Variants in LYVE1 observed in about 807,000 individuals in gnomAD.
LYVE1 encodes the protein lymphatic vessel endothelial hyaluronan receptor 1.
Under a neutral mutation model 31.5 loss-of-function variants are expected in LYVE1, and 29 were observed. The ratio of observed to expected loss-of-function variants is 0.92; its 90% CI spans 0.69 to 1.26. The LOEUF is 1.26. Ranked by LOEUF, LYVE1 falls within the 50% of genes most tolerant of loss-of-function variation. The pLI is 0.00. For synonymous variants in LYVE1, 134 were observed against 139.4 expected, an observed-to-expected ratio of 0.96 and a Z score of 0.27; for missense variants, 376 against 380.2, an observed-to-expected ratio of 0.99 and a Z score of 0.09.
intron 1 of LYVE1, 88 bp from the exon 2 acceptor site, chr11:10,564,462 G>T: frequency 8.0e-7 from 1 of 1,243,590 alleles, no homozygotes; most frequent in Non-Finnish European, 1.1e-6. Flanking sequence ...ATATCGTCCT[G>T]ATGCGCAGGG....
chr11:10,560,754 A>C lies in LYVE1; in HGVS notation c.444T>G (p.Asp148Glu), dbSNP rs778376672. The C allele has an allele frequency of 1.2e-6, 2 of 1,613,482 alleles. No homozygotes were observed. Among genetic ancestry groups the C allele is most frequent in the South Asian group, 2.2e-5 (2 of 91,046 alleles). Residue 148 changes from aspartate (D) to glutamate (E), a missense_variant, in exon 4 of 6, where the codon GAT becomes GAG. Asp to Glu is a conservative substitution (Grantham distance 45, BLOSUM62 2). Transcript: ENST00000256178. ...SCIPEIITTK[D>E]PIFNTQTATQ... ...TTGCAGTTTGAGTGTTGAATATGGG[A>C]TCTTTGGTGGTGATAATTTCTGGAA... is the stretch of plus-strand genomic sequence containing the variant.
At chr11:10,559,978 CA>C (rs1850387464) in intron 4 of LYVE1, 84 bp from the exon 5 acceptor site, 4 of 986,718 alleles carry the variant, frequency 4.1e-6, no homozygotes, top group Non-Finnish European at 6.5e-6. Flanking sequence ...GTGATTGAGA[CA>C]GTAGACAGTA....
In LYVE1 at chr11:10,560,900, C is replaced by G. The variant is rs995570114; in HGVS notation, c.398-100G>C. ...TACCTCCAAACCCCTTATACCGCAG[C>G]TGGAATGGTCTTTAAAAAGCAAATC... is the stretch of plus-strand genomic sequence containing the variant. On this transcript the variant is annotated intron_variant, in intron 3 of 5. Coordinates refer to ENST00000256178, the MANE Select transcript of LYVE1 (RefSeq NM_006691.4). 4 of 933,964 alleles carry G rather than the reference C, an allele frequency of 4.3e-6. No homozygotes were observed. The Admixed American group carries it at 9.2e-5, about 22-fold the overall frequency. The allele number at this position is 933,964 out of a possible 1,614,324, so 57.9% of individuals were successfully genotyped here.
chr11:10,566,665 C>G (rs1420649683), intron 1 of LYVE1, among the ~76,000 whole-genome samples: 3 of 152,134 alleles, frequency 2.0e-5, no homozygotes, highest in East Asian at 1.9e-4. Context: ...CATTTGTACT[C>G]TAAATACTAT....
At position 10,558,881 on chromosome 11, in the gene LYVE1, G is replaced by A. The variant is rs1850360917; in HGVS notation, c.*230C>T. On this transcript the variant is annotated 3_prime_UTR_variant, in exon 6 of 6. Coordinates refer to ENST00000256178, the MANE Select transcript of LYVE1 (RefSeq NM_006691.4). ...GACATAGCCAGGCTAGAAAGGCCGTGGGAAGCTTTGGAGGTAGGAGGATAG... is the reference window on the plus strand; with the variant it reads ...GACATAGCCAGGCTAGAAAGGCCGTAGGAAGCTTTGGAGGTAGGAGGATAG... 2.1e-6 allele frequency: 1 copy of A among 477,838 alleles called. No homozygotes were observed. The highest frequency in any genetic ancestry group is 3.7e-5 in the Admixed American group (1 of 27,066). The allele number at this position is 477,838 out of a possible 1,614,324, so 29.6% of individuals were successfully genotyped here.
Position 10,560,657 on chromosome 11 carries a change from G to T in LYVE1, c.541C>A (p.Pro181Thr), listed in dbSNP as rs772670938. Residue 181 changes from proline (P) to threonine (T), a missense_variant, in exon 4 of 6, where the codon CCT becomes ACT. Pro to Thr is a conservative substitution (Grantham distance 38). Transcript: ENST00000256178. ...GCTGGAGCAGGAGGAGTAGTAGTAGGGGCAGGTATTGTAGAGTAAGGGGAT... is the reference window on the plus strand; with the variant it reads ...GCTGGAGCAGGAGGAGTAGTAGTAGTGGCAGGTATTGTAGAGTAAGGGGAT... ...VASPYSTIPA[P>T]TTTPPAPAST... 1.2e-6 allele frequency: 2 copies of T among 1,614,132 alleles called. No homozygotes were observed. The highest frequency in any genetic ancestry group is 2.2e-5 in the South Asian group (2 of 91,076).
At position 10,560,475 on chromosome 11, in the gene LYVE1, T is replaced by TA. The variant is rs1247655017; in HGVS notation, c.703+19dup. On this transcript the variant is annotated intron_variant, in intron 4 of 5. Transcript: ENST00000256178. ...CATGAACATACATACACACGTAACA[T>TA]AGACACAGAAACCATTTACCTCCAA... 6.3e-7 allele frequency: 1 copy of TA among 1,576,092 alleles called. No homozygotes were observed. The highest frequency in any genetic ancestry group is 8.6e-7 in the Non-Finnish European group (1 of 1,158,952).
At chr11:10,567,103 A>G (rs999940569) in intron 1 of LYVE1, among the ~76,000 whole-genome samples, 1 of 152,212 alleles carries the variant, frequency 6.6e-6, no homozygotes, top group Non-Finnish European at 1.5e-5. Context: ...TTTATTATGT[A>G]CTGCCTGCAT....
chr11:10,562,225 C>T (rs2134005767), intron 3 of LYVE1, among the ~76,000 whole-genome samples: 1 of 152,284 alleles, frequency 6.6e-6, no homozygotes, highest in South Asian at 2.1e-4. Context: ...AATTCCCCAG[C>T]CAGTGATGAT....
chr11:10,560,448 T>C (rs1056978485), intron 4 of LYVE1, 47 bp downstream of exon 4: 4 of 1,477,696 alleles, frequency 2.7e-6, no homozygotes, highest in African/African-American at 1.4e-5. Context: ...TTATCTGTTA[T>C]ACATGAACAT....
At chr11:10,560,411 A>T (rs903101405) in intron 4 of LYVE1, 84 bp downstream of exon 4, 126 of 1,249,770 alleles carry the variant, frequency 1.0e-4, no homozygotes, top group Non-Finnish European at 1.2e-4. Flanking sequence ...TGAGCGCCTC[A>T]TCTAAAGACA....
At chr11:10,561,115 C>T (rs1345088746) in intron 3 of LYVE1, among the ~76,000 whole-genome samples, 7 of 152,216 alleles carry the variant, frequency 4.6e-5, no homozygotes, top group Admixed American at 2.0e-4. Flanking sequence ...CCTTGCACCA[C>T]GATGCTTTAT....
intron 1 of LYVE1, among the ~76,000 whole-genome samples, chr11:10,566,512 C>T (rs1387208223): frequency 6.6e-6 from 1 of 152,170 alleles, no homozygotes; most frequent in African/African-American, 2.4e-5. Context: ...ACTCCCTGAA[C>T]ACACCGTTTG....
chr11:10,563,842 T>C, intron 3 of LYVE1, 98 bp downstream of exon 3: 1 of 1,476,670 alleles, frequency 6.8e-7, no homozygotes, highest in Non-Finnish European at 9.4e-7. Flanking sequence ...GTGGCTGTGA[T>C]TGCTTCTGCT....
chr11:10,561,979 A>G (rs866748495), intron 3 of LYVE1, among the ~76,000 whole-genome samples: 3 of 152,222 alleles, frequency 2.0e-5, no homozygotes, highest in African/African-American at 4.8e-5. Context: ...TAAAAATAAA[A>G]TAATAAAATA....
rs138655778 is a variant in LYVE1, at chr11:10,560,648, T to G, written c.550A>C (p.Thr184Pro). Residue 184 changes from threonine (T) to proline (P), a missense_variant, in exon 4 of 6, where the codon ACT becomes CCT. By Grantham distance (38) the Thr-to-Pro change is conservative. Coordinates refer to ENST00000256178, the MANE Select transcript of LYVE1 (RefSeq NM_006691.4). ...PYSTIPAPTT[T>P]PPAPASTSIP... The stretch of plus-strand genomic sequence containing the variant: ...GAAGTGGAAGCTGGAGCAGGAGGAG[T>G]AGTAGTAGGGGCAGGTATTGTAGAG... The G allele has an allele frequency of 1.6e-5, 26 of 1,613,702 alleles. No homozygotes were observed. The highest frequency in any genetic ancestry group is 5.3e-5 in the African/African-American group (4 of 74,808).
In LYVE1 at chr11:10,559,008, C is replaced by G; in HGVS notation, c.*103G>C. 1 of 1,098,200 alleles carries G rather than the reference C, an allele frequency of 9.1e-7. No individual in the cohort carries two copies. The highest frequency in any genetic ancestry group is 1.3e-6 in the Non-Finnish European group (1 of 753,186). The allele number at this position is 1,098,200 out of a possible 1,614,324, so 68.0% of individuals were successfully genotyped here. A position where few individuals can be genotyped will look rare whatever the true frequency, so the allele number is the denominator to read the frequency against. On this transcript the variant is annotated 3_prime_UTR_variant, in exon 6 of 6. Transcript: ENST00000256178. ...ATTCCAGTTAGGAACCAAGGGTGGACTTTCTTCTTTGGTTCTTTGGCCCTT... is the reference window on the plus strand; with the variant it reads ...ATTCCAGTTAGGAACCAAGGGTGGAGTTTCTTCTTTGGTTCTTTGGCCCTT...
At chr11:10,567,393 A>C (rs367915439) in intron 1 of LYVE1, among the ~76,000 whole-genome samples, 1 of 152,222 alleles carries the variant, frequency 6.6e-6, no homozygotes, top group Non-Finnish European at 1.5e-5. Context: ...CAATAGTTTG[A>C]ATAATGGCAG....
intron 4 of LYVE1, among the ~76,000 whole-genome samples, 155 bp from the exon 5 acceptor site, chr11:10,560,049 T>C (rs1408401978): frequency 6.6e-6 from 1 of 152,144 alleles, no homozygotes; most frequent in Non-Finnish European, 1.5e-5. Flanking sequence ...GCTTCTTTGC[T>C]TCATGCTTGT....
Sources: allele counts gnomAD v4.1 joint callset (sites outside exome capture counted in the v4.1 genomes callset), GRCh38; gene constraint gnomAD v4.1.1; transcripts MANE v1.5; gene names NCBI Gene and HGNC (gene_info 2026-07-23, HGNC 2026-07-21).